The following NALCN variants were observed in gnomAD, a reference collection of about 807,000 sequenced individuals.
NALCN encodes the protein sodium leak channel NALCN.
Under a neutral mutation model 225.3 loss-of-function variants are expected in NALCN, and 111 were observed. The ratio of observed to expected loss-of-function variants is 0.49; its 90% CI spans 0.42 to 0.58. The LOEUF (loss-of-function observed/expected upper bound fraction) is 0.58. Among genes scored for constraint, NALCN ranks in the 20% least tolerant of loss-of-function variants. The pLI is 0.00. For synonymous variants in NALCN, 764 were observed against 769.0 expected (o/e 0.99, Z 0.11); for missense variants, 1,378 against 2,202.4 (o/e 0.63, Z 7.49).
rs113202388 is a variant in NALCN, at chr13:101,065,628, GAA to G, written c.4447-69_4447-68del. 95,613 of 1,202,782 alleles carry G rather than the reference GAA, an allele frequency of 0.079. 3,967 individuals carry two copies. The highest frequency in any genetic ancestry group is 0.22 in the African/African-American group (14,356 of 64,768). 74.5% of individuals were successfully genotyped at this position (1,202,782 alleles called of 1,614,324 possible). A position where few individuals can be genotyped will look rare whatever the true frequency, so the allele number is the denominator to read the frequency against. Reference sequence around the variant, plus strand: ...GATGATTCACTTGGGTTTCTCAAAAGAAAAAAAAAAAGGTGCTATTTCTCAAA... The same window carrying G: ...GATGATTCACTTGGGTTTCTCAAAAGAAAAAAAAAGGTGCTATTTCTCAAA... On this transcript the variant is annotated intron_variant, in intron 39 of 43. Coordinates refer to ENST00000251127, the MANE Select transcript of NALCN (RefSeq NM_052867.4).
intron 14 of NALCN, among the ~76,000 whole-genome samples, chr13:101,179,754 A>G (rs2039115716): frequency 6.6e-6 from 1 of 152,158 alleles, no homozygotes; most frequent in African/African-American, 2.4e-5. Context: ...AGAGTACTGT[A>G]ACACCGTGCA....
chr13:101,173,188 T>A (rs1293852579), intron 15 of NALCN, among the ~76,000 whole-genome samples: 1 of 152,248 alleles, frequency 6.6e-6, no homozygotes, highest in Non-Finnish European at 1.5e-5. Flanking sequence ...ATTGGGTTGC[T>A]GCATTCACCG....
At chr13:101,275,295 T>A (rs1008045440) in intron 10 of NALCN, among the ~76,000 whole-genome samples, 1 of 152,128 alleles carries the variant, frequency 6.6e-6, no homozygotes, top group Non-Finnish European at 1.5e-5. Context: ...AAAGCCAGTG[T>A]TCAAGGTGAG....
intron 1 of NALCN, among the ~76,000 whole-genome samples, chr13:101,414,595 CAAG>C (rs1041377428): frequency 2.0e-5 from 3 of 152,086 alleles, no homozygotes; most frequent in Non-Finnish European, 2.9e-5. Context: ...ATGCCATACC[CAAG>C]AAGAAGAAAA....
At chr13:101,107,284 G>A (rs139032138) in intron 22 of NALCN, among the ~76,000 whole-genome samples, 79 of 152,298 alleles carry the variant, frequency 5.2e-4, no homozygotes, top group East Asian at 1.5e-3. Context: ...TTATCAATGC[G>A]AGTTTTCTAT....
intron 9 of NALCN, among the ~76,000 whole-genome samples, chr13:101,291,077 C>T (rs1594614311): frequency 3.9e-5 from 6 of 152,108 alleles, no homozygotes; most frequent in Admixed American, 3.9e-4. Flanking sequence ...TTTAGCAAAT[C>T]TGTAGCCCAC....
At chr13:101,198,661 G>A (rs2039987453) in intron 13 of NALCN, among the ~76,000 whole-genome samples, 1 of 152,152 alleles carries the variant, frequency 6.6e-6, no homozygotes, top group Non-Finnish European at 1.5e-5. Context: ...GAGAGGATGT[G>A]GAGAAATACG....
At chr13:101,312,017 G>A (rs960148282) in intron 7 of NALCN, among the ~76,000 whole-genome samples, 8 of 152,118 alleles carry the variant, frequency 5.3e-5, no homozygotes, top group Non-Finnish European at 1.2e-4. Context: ...GTAAGCTATT[G>A]ATTATTGCCA....
intron 14 of NALCN, among the ~76,000 whole-genome samples, chr13:101,189,275 AAAG>A (rs1416967434): frequency 2.0e-5 from 3 of 152,182 alleles, no homozygotes; most frequent in Admixed American, 6.5e-5. Context: ...GGAAGGAGAG[AAAG>A]AAGAAGAATG....
chr13:101,063,289 A>G (rs1463378078), intron 40 of NALCN, among the ~76,000 whole-genome samples: 6 of 152,094 alleles, frequency 3.9e-5, no homozygotes, highest in Non-Finnish European at 8.8e-5. Flanking sequence ...CCACAGAGGG[A>G]AAAAAAATGA....
chr13:101,263,035 G>A (rs1399844461), intron 10 of NALCN, among the ~76,000 whole-genome samples: 4 of 152,152 alleles, frequency 2.6e-5, no homozygotes, highest in Non-Finnish European at 2.9e-5. Flanking sequence ...TTAATTACCC[G>A]AGGTTGAAGA....
chr13:101,387,723 T>C (rs553375117), intron 3 of NALCN, among the ~76,000 whole-genome samples: 7 of 152,280 alleles, frequency 4.6e-5, no homozygotes, highest in Admixed American at 6.5e-5. Context: ...GAAGAAAGCA[T>C]AGTAACTCAA....
In NALCN at chr13:101,109,373, A is replaced by G. The variant is rs533814206; in HGVS notation, c.2364+1246T>C. ...GGTATTGGTGATATCAGGTGTTCTCATTGCCAACTTCTCGCTCTTGATTTT... is the reference window on the plus strand; with the variant it reads ...GGTATTGGTGATATCAGGTGTTCTCGTTGCCAACTTCTCGCTCTTGATTTT... On this transcript the variant is annotated intron_variant, in intron 20 of 43. Transcript: ENST00000251127. Among the ~76,000 whole-genome samples, 6 of 152,312 alleles carry G rather than the reference A, an allele frequency of 3.9e-5. No individual in the cohort carries two copies. The South Asian group carries it at 1.2e-3, about 32-fold the overall frequency.
intron 14 of NALCN, chr13:101,181,022 AC>A (rs1248584390): frequency 4.0e-6 from 2 of 502,350 alleles, no homozygotes; most frequent in African/African-American, 3.9e-5. Flanking sequence ...TTAGTTCTGT[AC>A]CATTTTGAAG....
At position 101,230,533 on chromosome 13, in the gene NALCN, T is replaced by C. The variant is rs117761332; in HGVS notation, c.1435-949A>G. Among the ~76,000 whole-genome samples the C allele has an allele frequency of 7.3e-3, 1,108 of 152,302 alleles. 10 individuals are homozygous for C. Among genetic ancestry groups the C allele is most frequent in the South Asian group, 0.029 (140 of 4,828 alleles). On this transcript the variant is annotated intron_variant, in intron 12 of 43. Coordinates refer to ENST00000251127, the MANE Select transcript of NALCN (RefSeq NM_052867.4). ...ACCTACGGAATGTGAGAGGAAATGA[T>C]TTGTACAAGTTTTGGTGCATTAAGT...
At chr13:101,409,296 A>T (rs1196155433) in intron 1 of NALCN, among the ~76,000 whole-genome samples, 2 of 152,166 alleles carry the variant, frequency 1.3e-5, no homozygotes, top group Non-Finnish European at 2.9e-5. Context: ...TTTTTGTTTC[A>T]TTGTAGTAGG....
rs1221055780 is a variant in NALCN, at chr13:101,095,496, A to C, written c.3269+78T>G. ...CTCTAGCAAAACTACTTTTAGTTAC[A>C]TGCCATATGATACTTATTTAAAGCC... On this transcript the variant is annotated intron_variant, in intron 28 of 43. Transcript: ENST00000251127. The C allele has an allele frequency of 2.3e-5, 26 of 1,135,858 alleles. No homozygotes were observed. The East Asian group carries it at 5.8e-4, about 25-fold the overall frequency. The allele number at this position is 1,135,858 out of a possible 1,614,324, so 70.4% of individuals were successfully genotyped here.
intron 42 of NALCN, chr13:101,058,422 G>GATTTTTTAAT: frequency 1.0e-5 from 2 of 195,544 alleles, no homozygotes; most frequent in South Asian, 1.9e-4. Flanking sequence ...CGGGCTGGGC[G>GATTTTTTAAT]GGGGCAGTCT....
At chr13:101,223,195 T>C (rs986341154) in intron 13 of NALCN, among the ~76,000 whole-genome samples, 8 of 152,108 alleles carry the variant, frequency 5.3e-5, no homozygotes, top group African/African-American at 1.9e-4. Flanking sequence ...TAAATTCCCA[T>C]AAACACATAA....
Sources: gnomAD v4.1 joint callset for allele counts (sites outside exome capture counted in the v4.1 genomes callset) on GRCh38, gnomAD v4.1.1 for gene constraint, MANE v1.5 for transcripts, NCBI Gene and HGNC (gene_info 2026-07-23, HGNC 2026-07-21) for gene names.